The following SH3RF3 variants were observed in gnomAD, a reference collection of about 807,000 sequenced individuals.
SH3RF3 encodes the protein E3 ubiquitin-protein ligase SH3RF3.
Under a neutral mutation model 66.3 loss-of-function variants are expected in SH3RF3, and 29 were observed. The observed-to-expected ratio is 0.44, with a 90% CI of 0.33 to 0.60. The LOEUF (loss-of-function observed/expected upper bound fraction) is 0.60. Ranked by LOEUF, SH3RF3 falls within the 20% of genes least tolerant of loss-of-function variation. SH3RF3 has a pLI of 0.04. For missense variants in SH3RF3, 1,194 were observed against 1,190.9 expected, an observed-to-expected ratio of 1.00 and a Z score of -0.04; for synonymous variants, 583 against 532.0, an observed-to-expected ratio of 1.10 and a Z score of -1.32.
intron 5 of SH3RF3, among the ~76,000 whole-genome samples, chr2:109,428,944 G>A (rs368958523): frequency 2.0e-5 from 3 of 152,184 alleles, no homozygotes; most frequent in African/African-American, 7.2e-5. Context: ...ATGTGTCTAC[G>A]AAGACTGGCT....
intron 1 of SH3RF3, among the ~76,000 whole-genome samples, chr2:109,212,739 C>T (rs13396126): frequency 0.011 from 1,707 of 152,294 alleles, 28 homozygotes; most frequent in African/African-American, 0.037. Flanking sequence ...TCTCTTTGCC[C>T]GTGGCCCAAA....
chr2:109,471,253 G>A (rs1678499485), intron 8 of SH3RF3, among the ~76,000 whole-genome samples: 1 of 150,104 alleles, frequency 6.7e-6, no homozygotes, highest in Non-Finnish European at 1.5e-5. Flanking sequence ...CTGAGACTGA[G>A]TAATGTATAA....
intron 1 of SH3RF3, among the ~76,000 whole-genome samples, chr2:109,220,216 TATTCTTATGCAAAACAATGA>T (rs1679199284): frequency 6.6e-6 from 1 of 152,218 alleles, no homozygotes; most frequent in Non-Finnish European, 1.5e-5. Flanking sequence ...GAAAACTGGA[TATTCTTATGCAAAACAATGA>T]AGTCAGACCT....
chr2:109,349,493 A>T (rs1682794112), intron 2 of SH3RF3, among the ~76,000 whole-genome samples: 1 of 152,144 alleles, frequency 6.6e-6, no homozygotes, highest in Non-Finnish European at 1.5e-5. Context: ...TTCTCTGCCC[A>T]GTGGACTCTT....
intron 1 of SH3RF3, among the ~76,000 whole-genome samples, chr2:109,179,003 A>ATTGTGTGTG (rs764622844): frequency 2.1e-5 from 3 of 142,178 alleles, no homozygotes; most frequent in Non-Finnish European, 3.1e-5. Context: ...AAGTATAATA[A>ATTGTGTGTG]TGTGTGTGTG....
intron 1 of SH3RF3, among the ~76,000 whole-genome samples, chr2:109,312,609 A>G (rs1025810931): frequency 2.6e-5 from 4 of 152,194 alleles, no homozygotes; most frequent in African/African-American, 9.6e-5. Context: ...GAGATTTGAT[A>G]TAAGTGGAAT....
intron 7 of SH3RF3, among the ~76,000 whole-genome samples, chr2:109,437,755 G>A (rs1677445597): frequency 6.6e-6 from 1 of 152,000 alleles, no homozygotes; most frequent in Non-Finnish European, 1.5e-5. Context: ...AGGATGTTGT[G>A]AGATGAAAAG....
intron 8 of SH3RF3, among the ~76,000 whole-genome samples, chr2:109,471,708 C>G (rs1365495898): frequency 6.6e-6 from 1 of 152,244 alleles, no homozygotes; most frequent in Non-Finnish European, 1.5e-5. Flanking sequence ...CTTTTCCACT[C>G]ACCCCCTTGC....
In SH3RF3 at chr2:109,168,487, G is replaced by A. The variant is rs1677681267; in HGVS notation, c.573+38374G>A. Among the ~76,000 whole-genome samples, 2 of 152,216 alleles carry A rather than the reference G, an allele frequency of 1.3e-5. 1 individual carries two copies. Among genetic ancestry groups the A allele is most frequent in the African/African-American group, 4.8e-5 (2 of 41,456 alleles). On this transcript the variant is annotated intron_variant, in intron 1 of 9. Coordinates refer to ENST00000309415, the MANE Select transcript of SH3RF3 (RefSeq NM_001099289.3). ...AGAGGGCAAGATGGGCTCTCAGCAGGAGGGAGAGGGCTTCCCTGTTCAGAG... is the reference window on the plus strand; with the variant it reads ...AGAGGGCAAGATGGGCTCTCAGCAGAAGGGAGAGGGCTTCCCTGTTCAGAG...
intron 3 of SH3RF3, among the ~76,000 whole-genome samples, chr2:109,372,923 G>A (rs1020426871): frequency 2.0e-5 from 3 of 152,194 alleles, no homozygotes; most frequent in Non-Finnish European, 2.9e-5. Flanking sequence ...TCAATTCCCC[G>A]TTGCCTGCAG....
At chr2:109,280,820 A>G (rs1479308304) in intron 1 of SH3RF3, among the ~76,000 whole-genome samples, 5 of 152,224 alleles carry the variant, frequency 3.3e-5, no homozygotes, top group Admixed American at 6.5e-5. Context: ...CACCTGCTGG[A>G]TAACAGTGGT....
chr2:109,462,636 G>A (rs1678236242), intron 8 of SH3RF3, among the ~76,000 whole-genome samples: 1 of 152,196 alleles, frequency 6.6e-6, no homozygotes, highest in African/African-American at 2.4e-5. Context: ...TGAAATAGAG[G>A]CAGGTTAGTG....
intron 1 of SH3RF3, among the ~76,000 whole-genome samples, chr2:109,210,121 G>T (rs946330528): frequency 2.0e-5 from 3 of 152,108 alleles, no homozygotes; most frequent in Non-Finnish European, 4.4e-5. Context: ...CGACATAGCC[G>T]CATGCGTCAC....
chr2:109,342,002 G>A (rs1682561391), intron 1 of SH3RF3, among the ~76,000 whole-genome samples: 1 of 152,350 alleles, frequency 6.6e-6, no homozygotes, highest in African/African-American at 2.4e-5. Flanking sequence ...TGCTTGGTGT[G>A]TATACAATTA....
chr2:109,175,433 C>G (rs1362121799), intron 1 of SH3RF3, among the ~76,000 whole-genome samples: 1 of 152,216 alleles, frequency 6.6e-6, no homozygotes, highest in Admixed American at 6.5e-5. Context: ...TGGCAGTCGT[C>G]TGTGTAACCA....
chr2:109,311,723 C>T (rs1194382918), intron 1 of SH3RF3, among the ~76,000 whole-genome samples: 1 of 152,146 alleles, frequency 6.6e-6, no homozygotes, highest in African/African-American at 2.4e-5. Context: ...TTTTGTTTTT[C>T]CTTGTCTGAC....
At chr2:109,487,187 C>T (rs993459771) in intron 8 of SH3RF3, among the ~76,000 whole-genome samples, 3 of 152,222 alleles carry the variant, frequency 2.0e-5, no homozygotes, top group Non-Finnish European at 4.4e-5. Flanking sequence ...CTTTCCTTAA[C>T]ATAATCTTTC....
At chr2:109,348,659 G>T (rs1260158535) in intron 2 of SH3RF3, among the ~76,000 whole-genome samples, 1 of 152,136 alleles carries the variant, frequency 6.6e-6, no homozygotes, top group African/African-American at 2.4e-5. Flanking sequence ...GAAGTAGTTG[G>T]AACCTCGTTT....
At chr2:109,282,152 T>C (rs1680910027) in intron 1 of SH3RF3, among the ~76,000 whole-genome samples, 1 of 152,120 alleles carries the variant, frequency 6.6e-6, no homozygotes, top group Non-Finnish European at 1.5e-5. Flanking sequence ...CAGTTTCTGA[T>C]TGATGATGGA....
Sources: gnomAD v4.1 joint callset for allele counts (sites outside exome capture counted in the v4.1 genomes callset) on GRCh38, gnomAD v4.1.1 for gene constraint, MANE v1.5 for transcripts, NCBI Gene and HGNC (gene_info 2026-07-23, HGNC 2026-07-21) for gene names.